The following CCDC85A variants were observed in gnomAD, a reference collection of about 807,000 sequenced individuals.
CCDC85A encodes coiled-coil domain-containing protein 85A.
In CCDC85A, 38 loss-of-function variants were observed where a neutral mutation model predicts 50.2. The observed-to-expected ratio is 0.76, with a 90% CI of 0.58 to 0.99. CCDC85A has a LOEUF of 0.99. Ranked by LOEUF, CCDC85A falls within the 50% of genes least tolerant of loss-of-function variation. CCDC85A has a pLI of 0.00. For missense variants in CCDC85A, 820 were observed against 742.0 expected (o/e 1.11, Z -1.22); for synonymous variants, 366 against 301.4 (o/e 1.21, Z -2.22).
intron 1 of CCDC85A, 127 bp downstream of exon 1, chr2:56,185,027 C>A: frequency 8.5e-7 from 1 of 1,173,422 alleles, no homozygotes; most frequent in East Asian, 3.0e-5. Context: ...CGGTCGGCAC[C>A]CCCTACCCCC....
chr2:56,365,374 T>C (rs1389428335), intron 3 of CCDC85A, among the ~76,000 whole-genome samples: 1 of 152,188 alleles, frequency 6.6e-6, no homozygotes, highest in Non-Finnish European at 1.5e-5. Context: ...GAGCTGATGT[T>C]AATCTGGTGT....
At chr2:56,316,833 T>C (rs1017019004) in intron 2 of CCDC85A, among the ~76,000 whole-genome samples, 4 of 152,060 alleles carry the variant, frequency 2.6e-5, no homozygotes, top group African/African-American at 9.7e-5. Context: ...AAAATGTCAC[T>C]TTTTTATGGT....
intron 2 of CCDC85A, among the ~76,000 whole-genome samples, chr2:56,336,219 G>A (rs1274738909): frequency 6.6e-6 from 1 of 151,730 alleles, no homozygotes; most frequent in East Asian, 1.9e-4. Context: ...CAATGACACT[G>A]TCTCAGCTCA....
chr2:56,272,249 G>A (rs942810033), intron 2 of CCDC85A, among the ~76,000 whole-genome samples: 2 of 151,986 alleles, frequency 1.3e-5, no homozygotes, highest in Non-Finnish European at 2.9e-5. Flanking sequence ...AAGGTAAAAA[G>A]CAGAAAGAGG....
chr2:56,275,862 A>G (rs1166660347), intron 2 of CCDC85A, among the ~76,000 whole-genome samples: 2 of 152,208 alleles, frequency 1.3e-5, no homozygotes, highest in African/African-American at 2.4e-5. Context: ...TCAGGAGGCA[A>G]AAGTTCATCA....
chr2:56,317,022 G>A lies in CCDC85A; in HGVS notation c.1241-25857G>A, dbSNP rs757887645. ...TTAAAGTGGACTTTCTATTCAGACGGCAAATTTTAGCTTCAAATATTGGGA... is the reference window on the plus strand; with the variant it reads ...TTAAAGTGGACTTTCTATTCAGACGACAAATTTTAGCTTCAAATATTGGGA... On this transcript the variant is annotated intron_variant, in intron 2 of 5. Transcript: ENST00000407595. Among the ~76,000 whole-genome samples, 152 of 151,968 alleles carry A rather than the reference G, an allele frequency of 1.0e-3. 1 individual carries two copies. The highest frequency in any genetic ancestry group is 1.6e-3 in the Non-Finnish European group (112 of 67,984).
At chr2:56,326,096 T>C (rs1391301874) in intron 2 of CCDC85A, among the ~76,000 whole-genome samples, 3 of 152,100 alleles carry the variant, frequency 2.0e-5, no homozygotes, top group Non-Finnish European at 2.9e-5. Context: ...CTTTACTTTG[T>C]CTCTCTGCAG....
intron 2 of CCDC85A, among the ~76,000 whole-genome samples, chr2:56,256,922 C>T (rs956916330): frequency 7.9e-5 from 12 of 152,134 alleles, no homozygotes; most frequent in Admixed American, 2.0e-4. Flanking sequence ...TTAAAAATAA[C>T]TGGTAGTAAT....
At chr2:56,271,889 G>A (rs1670716341) in intron 2 of CCDC85A, among the ~76,000 whole-genome samples, 1 of 152,148 alleles carries the variant, frequency 6.6e-6, no homozygotes, top group African/African-American at 2.4e-5. Flanking sequence ...CATTGATGAG[G>A]TAAAGGATAG....
At chr2:56,300,106 C>T (rs1306101939) in intron 2 of CCDC85A, among the ~76,000 whole-genome samples, 2 of 152,124 alleles carry the variant, frequency 1.3e-5, no homozygotes, top group African/African-American at 4.8e-5. Flanking sequence ...AAACTAGGCC[C>T]TTCCAAAGCA....
At chr2:56,275,217 G>A (rs568908371) in intron 2 of CCDC85A, among the ~76,000 whole-genome samples, 1 of 151,974 alleles carries the variant, frequency 6.6e-6, no homozygotes, top group East Asian at 1.9e-4. Flanking sequence ...CTTTATATTA[G>A]GCCTGCTGGC....
chr2:56,207,976 T>G (rs1239437696), intron 2 of CCDC85A, among the ~76,000 whole-genome samples: 1 of 152,156 alleles, frequency 6.6e-6, no homozygotes, highest in Non-Finnish European at 1.5e-5. Flanking sequence ...AAAGGTGACT[T>G]TAATTGTGAC....
chr2:56,356,272 A>G (rs1292718533), intron 3 of CCDC85A, among the ~76,000 whole-genome samples: 4 of 152,234 alleles, frequency 2.6e-5, no homozygotes, highest in African/African-American at 9.6e-5. Context: ...TCTCACAAAG[A>G]GTTTTAAGCA....
intron 2 of CCDC85A, among the ~76,000 whole-genome samples, chr2:56,228,024 G>T (rs1276486613): frequency 6.6e-6 from 1 of 152,190 alleles, no homozygotes; most frequent in Non-Finnish European, 1.5e-5. Flanking sequence ...GTTGTTGAAA[G>T]ATTGAAATAC....
At chr2:56,253,200 A>C (rs943886978) in intron 2 of CCDC85A, among the ~76,000 whole-genome samples, 4 of 152,208 alleles carry the variant, frequency 2.6e-5, no homozygotes, top group Non-Finnish European at 5.9e-5. Context: ...TGTTTTCTTC[A>C]AGTCCCTACG....
Position 56,243,509 on chromosome 2 carries a change from A to G in CCDC85A, c.1240+50069A>G, listed in dbSNP as rs1669358870. 2.0e-5 allele frequency among the ~76,000 whole-genome samples: 3 copies of G among 151,980 alleles called. No homozygotes were observed. In the South Asian group the frequency reaches 6.2e-4, roughly 32 times the overall value. ...TTATTTATTTCAATTTCTTTGTTAAATTTATCTGATAGAATTTTGAATTAC... is the reference window on the plus strand; with the variant it reads ...TTATTTATTTCAATTTCTTTGTTAAGTTTATCTGATAGAATTTTGAATTAC... On this transcript the variant is annotated intron_variant, in intron 2 of 5. Transcript: ENST00000407595.
At chr2:56,228,980 C>T (rs1200612829) in intron 2 of CCDC85A, among the ~76,000 whole-genome samples, 5 of 152,170 alleles carry the variant, frequency 3.3e-5, no homozygotes, top group African/African-American at 7.2e-5. Flanking sequence ...TCCAAATACA[C>T]AGTTGAAATA....
intron 2 of CCDC85A, among the ~76,000 whole-genome samples, chr2:56,341,990 T>A (rs1573299964): frequency 1.6e-5 from 1 of 60,888 alleles, no homozygotes; most frequent in African/African-American, 1.7e-4. Flanking sequence ...TTATTTTCTG[T>A]TTTTTTTTTT....
chr2:56,281,451 TG>T (rs1204348816), intron 2 of CCDC85A, among the ~76,000 whole-genome samples: 4 of 152,170 alleles, frequency 2.6e-5, no homozygotes, highest in Non-Finnish European at 4.4e-5. Flanking sequence ...GGAATAGAAT[TG>T]CAAGTCATAG....
Sources: gnomAD v4.1 joint callset for allele counts (sites outside exome capture counted in the v4.1 genomes callset) on GRCh38, gnomAD v4.1.1 for gene constraint, MANE v1.5 for transcripts, NCBI Gene and HGNC (gene_info 2026-07-23, HGNC 2026-07-21) for gene names.